Variants in KLHL13 observed in about 807,000 individuals in gnomAD.
KLHL13 encodes the protein kelch-like protein 13.
In KLHL13, 10 loss-of-function variants were observed where a neutral mutation model predicts 37.1. The ratio of observed to expected loss-of-function variants is 0.27; its 90% CI spans 0.17 to 0.46. The LOEUF is 0.46. KLHL13 is among the 20% of genes least tolerant of loss of function. The pLI, the probability that KLHL13 is intolerant of heterozygous loss-of-function variation, is 1.00. For synonymous variants in KLHL13, 163 were observed against 181.2 expected, an observed-to-expected ratio of 0.90 and a Z score of 0.81; for missense variants, 360 against 509.3, an observed-to-expected ratio of 0.71 and a Z score of 2.82.
At chrX:118,091,789 A>G (rs1475988683) in intron 1 of KLHL13, among the ~76,000 whole-genome samples, 3 of 111,298 alleles carry the variant, frequency 2.7e-5, no homozygotes, top group Non-Finnish European at 3.8e-5. Context: ...AATATACCCA[A>G]GAAAATCCAC....
At chrX:118,019,762 T>C (rs2054178369) in intron 1 of KLHL13, among the ~76,000 whole-genome samples, 1 of 107,239 alleles carries the variant, frequency 9.3e-6, no homozygotes, top group Non-Finnish European at 1.9e-5. Context: ...CCTTTCCCCA[T>C]TGCTTGTTTT....
At chrX:118,099,123 A>T (rs1019698871) in intron 1 of KLHL13, among the ~76,000 whole-genome samples, 14 of 86,475 alleles carry the variant, frequency 1.6e-4, no homozygotes, top group East Asian at 8.5e-4. Context: ...AATAAAATTT[A>T]AAAAAATTAT....
intron 1 of KLHL13, among the ~76,000 whole-genome samples, chrX:117,985,631 A>G (rs2053716117): frequency 9.0e-6 from 1 of 110,537 alleles, no homozygotes; most frequent in Admixed American, 9.7e-5. Flanking sequence ...TTTGGAGCAA[A>G]GGTGGAGTGA....
At chrX:118,104,811 A>G (rs1452015576) in intron 1 of KLHL13, among the ~76,000 whole-genome samples, 2 of 112,290 alleles carry the variant, frequency 1.8e-5, no homozygotes, top group Non-Finnish European at 3.8e-5. Context: ...AAAATGTTCT[A>G]AAATTGTGGT....
intron 1 of KLHL13, among the ~76,000 whole-genome samples, chrX:117,965,273 C>T (rs2053400731): frequency 9.0e-6 from 1 of 111,635 alleles, no homozygotes; most frequent in African/African-American, 3.3e-5. Context: ...TTTTAATGAT[C>T]GCCATTCTAA....
At chrX:118,056,715 T>C (rs1287097026) in intron 1 of KLHL13, among the ~76,000 whole-genome samples, 1 of 111,359 alleles carries the variant, frequency 9.0e-6, no homozygotes, top group Non-Finnish European at 1.9e-5. Context: ...AGCATGGTAA[T>C]AGGCCTTTAG....
At chrX:117,920,068 A>G (rs1285177129) in intron 3 of KLHL13, among the ~76,000 whole-genome samples, 170 bp downstream of exon 4, 2 of 108,785 alleles carry the variant, frequency 1.8e-5, no homozygotes, top group Admixed American at 1.0e-4. Flanking sequence ...AAAAAAGTGC[A>G]TCAATTTTCC....
chrX:118,045,762 G>T (rs1045670333), intron 1 of KLHL13, among the ~76,000 whole-genome samples: 5 of 111,506 alleles, frequency 4.5e-5, no homozygotes, highest in African/African-American at 1.3e-4. Context: ...AGCTGAGATT[G>T]AGCCACTGCA....
chrX:118,094,140 G>C (rs779076835), intron 1 of KLHL13, among the ~76,000 whole-genome samples: 13 of 109,572 alleles, frequency 1.2e-4, no homozygotes, highest in Non-Finnish European at 1.5e-4. Flanking sequence ...TAAAAACCTT[G>C]AAAAAAAATT....
At chrX:118,015,531 G>A (rs762722301) in intron 1 of KLHL13, among the ~76,000 whole-genome samples, 1 of 110,979 alleles carries the variant, frequency 9.0e-6, no homozygotes, top group African/African-American at 3.3e-5. Context: ...AGATTGCACA[G>A]GAAGAATGTA....
chrX:117,906,130 A>G (rs989253500), intron 5 of KLHL13, among the ~76,000 whole-genome samples: 3 of 111,524 alleles, frequency 2.7e-5, no homozygotes, highest in African/African-American at 9.8e-5. Context: ...TGGGAATGTT[A>G]ATTTATTATA....
At chrX:117,935,215 A>G (rs1471519100) in intron 2 of KLHL13, among the ~76,000 whole-genome samples, 1 of 112,863 alleles carries the variant, frequency 8.9e-6, no homozygotes, top group Non-Finnish European at 1.9e-5. Flanking sequence ...TGTATGAAAA[A>G]AATGCTTATC....
chrX:117,909,547 G>T (rs760874570), exon 5 of KLHL13: 14 of 1,211,420 alleles, frequency 1.2e-5, no homozygotes, highest in Non-Finnish European at 1.6e-5. Context: ...GCATCCATGG[G>T]GGCTAACGAT....
rs1311494109 is a variant in KLHL13, at chrX:117,922,957, G to A, written c.241-2587C>T. Among the ~76,000 whole-genome samples the A allele has an allele frequency of 7.2e-5, 8 of 111,712 alleles. No individual in the cohort carries two copies. The East Asian group carries it at 1.1e-3, about 16-fold the overall frequency. The stretch of plus-strand genomic sequence containing the variant: ...ATATATAAAGGCCTCTTTAAAGTGG[G>A]TTACTATACATACTGTTGTGCATTT... On this transcript the variant is annotated intron_variant, in intron 2 of 6. Transcript: ENST00000262820.
intron 1 of KLHL13, among the ~76,000 whole-genome samples, chrX:118,050,128 C>T: frequency 8.9e-6 from 1 of 111,815 alleles, no homozygotes; most frequent in Non-Finnish European, 1.9e-5. Context: ...TCAAGCAGTC[C>T]TCCTGTCTCG....
chrX:118,007,269 C>T (rs940396456), intron 1 of KLHL13, among the ~76,000 whole-genome samples: 22 of 103,330 alleles, frequency 2.1e-4, no homozygotes, highest in Admixed American at 2.2e-4. Context: ...ATTAGCCAGG[C>T]GTGGTGGTGT....
chrX:117,964,182 T>TA (rs1235011787), intron 1 of KLHL13, among the ~76,000 whole-genome samples: 6 of 101,985 alleles, frequency 5.9e-5, no homozygotes, highest in African/African-American at 2.4e-4. Context: ...CCCTAAAACT[T>TA]AGAGTATAAT....
intron 2 of KLHL13, among the ~76,000 whole-genome samples, chrX:117,936,008 A>C (rs1932753718): frequency 9.0e-6 from 1 of 111,685 alleles, no homozygotes; most frequent in Non-Finnish European, 1.9e-5. Context: ...ATCATATCTC[A>C]ATAAAGCTAT....
chrX:117,948,231 A>T (rs929310642), intron 1 of KLHL13, among the ~76,000 whole-genome samples: 1 of 111,728 alleles, frequency 9.0e-6, no homozygotes, highest in African/African-American at 3.3e-5. Context: ...TCTCATGAAA[A>T]TTTTTCTCAA....
Sources: allele counts gnomAD v4.1 joint callset (sites outside exome capture counted in the v4.1 genomes callset), GRCh38; gene constraint gnomAD v4.1.1; transcripts MANE v1.5; gene names NCBI Gene and HGNC (gene_info 2026-07-23, HGNC 2026-07-21).